The following SORCS1 variants were observed in gnomAD, a reference collection of about 807,000 sequenced individuals.
SORCS1 encodes the protein sortilin related VPS10 domain containing receptor 1.
A neutral mutation model predicts 146.1 loss-of-function variants in SORCS1; 60 were observed. The ratio of observed to expected loss-of-function variants is 0.41; its 90% CI spans 0.33 to 0.51. The LOEUF (loss-of-function observed/expected upper bound fraction) is 0.51. Among genes scored for constraint, SORCS1 ranks in the 20% least tolerant of loss-of-function variants. The pLI, the probability that SORCS1 is intolerant of heterozygous loss-of-function variation, is 0.21. For missense variants in SORCS1, 1,352 were observed against 1,487.6 expected (o/e 0.91, Z 1.50); for synonymous variants, 637 against 584.0 (o/e 1.09, Z -1.31).
chr10:106,683,350 C>T (rs181910480), intron 10 of SORCS1, among the ~76,000 whole-genome samples: 153 of 152,352 alleles, frequency 1.0e-3, no homozygotes, highest in Admixed American at 3.4e-3. Context: ...CCCCCAACTT[C>T]TAGCCTCCAG....
chr10:107,088,882 G>A (rs1483498860), intron 1 of SORCS1, among the ~76,000 whole-genome samples: 1 of 152,190 alleles, frequency 6.6e-6, no homozygotes, highest in Non-Finnish European at 1.5e-5. Flanking sequence ...TTAAGGATCT[G>A]TGTAATTTCC....
At chr10:107,180,390 T>C in the SORCS1 span, among the ~76,000 whole-genome samples, 1 of 90,612 alleles carries the variant, frequency 1.1e-5, no homozygotes, top group Non-Finnish European at 2.4e-5. Context: ...AGGTGTTGGC[T>C]GGGCTTAGGT....
chr10:106,620,437 G>T lies in SORCS1; in HGVS notation c.2787C>A (p.Asn929Lys). 6.2e-7 allele frequency: 1 copy of T among 1,612,964 alleles called. No individual in the cohort carries two copies. Among genetic ancestry groups the T allele is most frequent in the Non-Finnish European group, 8.5e-7 (1 of 1,179,184 alleles). Residue 929 changes from asparagine (N) to lysine (K), a missense_variant, in exon 20 of 26, where the codon AAC becomes AAA. Transcript: ENST00000263054. The part of the protein sequence containing the change: ...GTLTYVWWYG[N>K]NTEPLITLEG... ...TGGAAGGTGAACCCACCTCCGTGTT[G>T]TTTCCGTACCACCACACGTAAGTGA...
At chr10:106,750,239 C>A (rs182396097) in intron 5 of SORCS1, among the ~76,000 whole-genome samples, 1 of 151,928 alleles carries the variant, frequency 6.6e-6, no homozygotes, top group Admixed American at 6.6e-5. Context: ...AGTGAAGTCT[C>A]GAGAAGTGAC....
At chr10:106,879,009 A>G (rs1201530205) in intron 2 of SORCS1, among the ~76,000 whole-genome samples, 1 of 151,830 alleles carries the variant, frequency 6.6e-6, no homozygotes, top group Non-Finnish European at 1.5e-5. Context: ...AAGTAGCCGG[A>G]CATGGTGGTG....
At chr10:106,603,046 T>A (rs1846348012) in intron 23 of SORCS1, among the ~76,000 whole-genome samples, 1 of 152,156 alleles carries the variant, frequency 6.6e-6, no homozygotes, top group South Asian at 2.1e-4. Flanking sequence ...TCTTTTTTGT[T>A]CTTTTTAGAT....
At chr10:106,977,287 C>G (rs749443408) in intron 1 of SORCS1, among the ~76,000 whole-genome samples, 1 of 152,196 alleles carries the variant, frequency 6.6e-6, no homozygotes, top group Non-Finnish European at 1.5e-5. Flanking sequence ...CTCTAATGAT[C>G]CATGATGATG....
intron 9 of SORCS1, among the ~76,000 whole-genome samples, chr10:106,695,185 C>T (rs539689739): frequency 6.6e-6 from 1 of 152,294 alleles, no homozygotes; most frequent in Admixed American, 6.5e-5. Flanking sequence ...ATCCACCCGA[C>T]AAGACTGTGA....
At chr10:107,008,662 T>C (rs982757488) in intron 1 of SORCS1, among the ~76,000 whole-genome samples, 10 of 152,180 alleles carry the variant, frequency 6.6e-5, no homozygotes, top group Admixed American at 5.2e-4. Context: ...TGCTTAAGTC[T>C]GGGTTATATG....
At position 106,575,870 on chromosome 10, in the gene SORCS1, C is replaced by A. The variant is rs1844553864; in HGVS notation, c.*1550G>T. On this transcript the variant is annotated 3_prime_UTR_variant, in exon 26 of 26. Transcript: ENST00000263054. ...AATCAGTTTTATTTCACAAACATTT[C>A]TATTCTACTGTGAGAGTGGAAATAC... 6.6e-6 allele frequency: 1 copy of A among 152,632 alleles called. No homozygotes were observed. Among genetic ancestry groups the A allele is most frequent in the African/African-American group, 2.4e-5 (1 of 41,458 alleles). The allele number at this position is 152,632 out of a possible 1,614,324, so 9.5% of individuals were successfully genotyped here.
chr10:106,662,970 C>T (rs985955591), intron 17 of SORCS1, among the ~76,000 whole-genome samples: 6 of 152,300 alleles, frequency 3.9e-5, no homozygotes, highest in East Asian at 3.9e-4. Flanking sequence ...AGGTCTGAGA[C>T]GTACCCAGTT....
At chr10:106,971,415 T>C (rs1359436253) in intron 1 of SORCS1, among the ~76,000 whole-genome samples, 1 of 152,236 alleles carries the variant, frequency 6.6e-6, no homozygotes, top group African/African-American at 2.4e-5. Flanking sequence ...TAACAACATG[T>C]TTCAGTTACA....
At chr10:106,630,908 G>T (rs190731112) in intron 18 of SORCS1, among the ~76,000 whole-genome samples, 1 of 151,182 alleles carries the variant, frequency 6.6e-6, no homozygotes, top group Non-Finnish European at 1.5e-5. Flanking sequence ...AAAAAAAGTT[G>T]CTCAGACCCC....
intron 2 of SORCS1, among the ~76,000 whole-genome samples, chr10:106,863,491 C>T (rs887776467): frequency 6.7e-6 from 1 of 149,290 alleles, no homozygotes; most frequent in African/African-American, 2.5e-5. Flanking sequence ...TACCACTGTA[C>T]TCCAGCTTGG....
chr10:106,782,147 A>G (rs1271985453), intron 3 of SORCS1, among the ~76,000 whole-genome samples: 1 of 152,264 alleles, frequency 6.6e-6, no homozygotes, highest in East Asian at 1.9e-4. Context: ...AAAGTGATTC[A>G]GTGAAATGAC....
At chr10:106,713,458 A>G (rs1855141278) in intron 6 of SORCS1, among the ~76,000 whole-genome samples, 1 of 146,712 alleles carries the variant, frequency 6.8e-6, no homozygotes, top group Non-Finnish European at 1.5e-5. Context: ...AAGACCCTGT[A>G]CAAACATAAG....
At chr10:106,608,712 A>C (rs903814740) in intron 22 of SORCS1, among the ~76,000 whole-genome samples, 1 of 152,148 alleles carries the variant, frequency 6.6e-6, no homozygotes, top group Non-Finnish European at 1.5e-5. Flanking sequence ...CAGGAAGCTG[A>C]CTCTGAGTTT....
intron 1 of SORCS1, among the ~76,000 whole-genome samples, chr10:107,119,894 G>A (rs1966287852): frequency 6.6e-6 from 1 of 152,132 alleles, no homozygotes; most frequent in Non-Finnish European, 1.5e-5. Flanking sequence ...GGAGGCCTGA[G>A]AGTCTCTATC....
chr10:106,775,934 T>C (rs976312970), intron 4 of SORCS1, among the ~76,000 whole-genome samples: 2 of 152,206 alleles, frequency 1.3e-5, no homozygotes, highest in Non-Finnish European at 2.9e-5. Flanking sequence ...ATTTTATGGG[T>C]CATATGCACA....
Sources: gnomAD v4.1 joint callset for allele counts (sites outside exome capture counted in the v4.1 genomes callset) on GRCh38, gnomAD v4.1.1 for gene constraint, MANE v1.5 for transcripts, NCBI Gene and HGNC (gene_info 2026-07-23, HGNC 2026-07-21) for gene names.